The following CSMD1 variants were observed in gnomAD, a reference collection of about 807,000 sequenced individuals.
The protein encoded by CSMD1 is CUB and Sushi multiple domains 1.
A neutral mutation model predicts 417.5 loss-of-function variants in CSMD1; 213 were observed. The ratio of observed to expected loss-of-function variants is 0.51; its 90% CI spans 0.46 to 0.57. The LOEUF (loss-of-function observed/expected upper bound fraction) is 0.57. CSMD1 is among the 20% of genes least tolerant of loss of function. CSMD1 has a pLI of 0.00. For missense variants in CSMD1, 6,923 were observed against 4,529.7 expected (o/e 1.53, Z -15.17); for synonymous variants, 2,862 against 1,736.8 (o/e 1.65, Z -16.11).
At chr8:4,314,136 C>G (rs1363841772) in intron 3 of CSMD1, among the ~76,000 whole-genome samples, 2 of 152,078 alleles carry the variant, frequency 1.3e-5, no homozygotes, top group African/African-American at 2.4e-5. Flanking sequence ...CATGCAGAGA[C>G]TGTCAACACA....
chr8:4,046,463 G>C (rs1367646499), intron 3 of CSMD1, among the ~76,000 whole-genome samples: 1 of 152,138 alleles, frequency 6.6e-6, no homozygotes, highest in African/African-American at 2.4e-5. Flanking sequence ...AACAGCTCAA[G>C]CTTCATGAAA....
At chr8:4,954,881 T>A (rs1808985134) in intron 1 of CSMD1, among the ~76,000 whole-genome samples, 1 of 152,218 alleles carries the variant, frequency 6.6e-6, no homozygotes, top group East Asian at 1.9e-4. Context: ...ACTTCAGGAA[T>A]TCAGAGTACT....
chr8:3,847,952 C>T (rs1803622787), intron 5 of CSMD1, among the ~76,000 whole-genome samples: 1 of 152,054 alleles, frequency 6.6e-6, no homozygotes, highest in Non-Finnish European at 1.5e-5. Context: ...TCAAAACAAC[C>T]AATGATTTTT....
At chr8:3,650,677 G>C (rs1040869840) in intron 7 of CSMD1, among the ~76,000 whole-genome samples, 4 of 152,222 alleles carry the variant, frequency 2.6e-5, no homozygotes, top group African/African-American at 7.2e-5. Flanking sequence ...ACTGTTCGAA[G>C]TGGTAAATTA....
chr8:4,788,366 C>G, intron 1 of CSMD1: 1 of 1,471,404 alleles, frequency 6.8e-7, no homozygotes, highest in East Asian at 2.3e-5. Context: ...CCTGTCCTCC[C>G]CTCACACCAG....
chr8:3,548,037 T>C (rs796388977), intron 10 of CSMD1, among the ~76,000 whole-genome samples: 12 of 152,218 alleles, frequency 7.9e-5, no homozygotes, highest in African/African-American at 2.9e-4. Flanking sequence ...TGGAGAGGGG[T>C]AACCACCCCA....
intron 1 of CSMD1, among the ~76,000 whole-genome samples, chr8:4,887,382 T>G (rs893680691): frequency 6.6e-6 from 1 of 152,038 alleles, no homozygotes; most frequent in African/African-American, 2.4e-5. Flanking sequence ...TTTTATGACG[T>G]AAATACAGTT....
chr8:4,780,753 T>C (rs111705367), intron 1 of CSMD1, among the ~76,000 whole-genome samples: 124 of 151,982 alleles, frequency 8.2e-4, no homozygotes, highest in Non-Finnish European at 1.6e-3. Flanking sequence ...CCAAAATCCA[T>C]TGTATCATTT....
At chr8:4,343,194 TTGTTAGAGCATAAAA>T (rs1242044458) in intron 3 of CSMD1, among the ~76,000 whole-genome samples, 2 of 152,094 alleles carry the variant, frequency 1.3e-5, no homozygotes, top group African/African-American at 4.8e-5. Flanking sequence ...TCAGCTTGCT[TTGTTAGAGCATAAAA>T]AGCACATATG....
At chr8:3,952,821 A>C (rs1468799156) in intron 5 of CSMD1, among the ~76,000 whole-genome samples, 3 of 152,228 alleles carry the variant, frequency 2.0e-5, no homozygotes, top group African/African-American at 4.8e-5. Context: ...TAATCAAAGA[A>C]ATAAAAGCAG....
chr8:3,060,457 G>C (rs1812520270), intron 49 of CSMD1, among the ~76,000 whole-genome samples: 1 of 152,090 alleles, frequency 6.6e-6, no homozygotes, highest in Admixed American at 6.5e-5. Context: ...ACAAAGTGCT[G>C]GGATTATGGG....
At chr8:4,089,754 G>C (rs528819823) in intron 3 of CSMD1, among the ~76,000 whole-genome samples, 70 of 152,224 alleles carry the variant, frequency 4.6e-4, no homozygotes, top group African/African-American at 1.7e-3. Flanking sequence ...TCATTCATTA[G>C]TTTGGGGGTA....
intron 68 of CSMD1, among the ~76,000 whole-genome samples, chr8:2,944,693 TA>T (rs950085027): frequency 5.4e-4 from 81 of 149,598 alleles, no homozygotes; most frequent in African/African-American, 1.5e-3. Context: ...TTTGCAAAAT[TA>T]AAAAAAAAAG....
intron 3 of CSMD1, among the ~76,000 whole-genome samples, chr8:4,078,371 G>A (rs369438675): frequency 6.2e-5 from 9 of 144,608 alleles, no homozygotes; most frequent in African/African-American, 1.0e-4. Context: ...CTGGAGTGCA[G>A]TGGCGTGATC....
At chr8:4,038,743 A>G (rs1044149847) in intron 3 of CSMD1, among the ~76,000 whole-genome samples, 4 of 152,194 alleles carry the variant, frequency 2.6e-5, no homozygotes, top group East Asian at 1.9e-4. Flanking sequence ...TCTGCGCCCA[A>G]TGCAGACATT....
At chr8:4,700,256 C>G (rs1584962577) in intron 1 of CSMD1, among the ~76,000 whole-genome samples, 2 of 152,068 alleles carry the variant, frequency 1.3e-5, no homozygotes, top group South Asian at 2.1e-4. Flanking sequence ...TGTTTTCTAG[C>G]AGGAAAGGTG....
At chr8:2,998,370 A>C (rs664600) in intron 53 of CSMD1, among the ~76,000 whole-genome samples, 186 bp from the exon 54 acceptor site, 36,312 of 152,154 alleles carry the variant, frequency 0.24, 7,029 homozygotes, top group African/African-American at 0.54. Flanking sequence ...ACAGGCTGAC[A>C]CTACAGGCTT....
At chr8:4,241,018 C>G (rs115086916) in intron 3 of CSMD1, among the ~76,000 whole-genome samples, 1 of 152,314 alleles carries the variant, frequency 6.6e-6, no homozygotes, top group African/African-American at 2.4e-5. Context: ...ACCCATCTGA[C>G]TGACTAGTGT....
At chr8:3,820,836 G>A (rs571202122) in intron 5 of CSMD1, among the ~76,000 whole-genome samples, 2 of 152,030 alleles carry the variant, frequency 1.3e-5, no homozygotes, top group African/African-American at 4.8e-5. Context: ...TGCTGACCTC[G>A]ACCTCCCAAA....
Sources: gnomAD v4.1 joint callset for allele counts (sites outside exome capture counted in the v4.1 genomes callset) on GRCh38, gnomAD v4.1.1 for gene constraint, MANE v1.5 for transcripts, NCBI Gene and HGNC (gene_info 2026-07-23, HGNC 2026-07-21) for gene names.